DOCK1: variants seen among roughly 807,000 people sequenced by gnomAD.
The protein encoded by DOCK1 is dedicator of cytokinesis protein 1.
DOCK1 carries 138 observed loss-of-function variants against 262.7 expected under a neutral mutation model. The ratio of observed to expected loss-of-function variants is 0.53; its 90% CI spans 0.46 to 0.61. DOCK1 has a LOEUF of 0.61. DOCK1 is among the 20% of genes least tolerant of loss of function. The pLI is 0.00. For synonymous variants in DOCK1, 866 were observed against 867.4 expected, an observed-to-expected ratio of 1.00 and a Z score of 0.03; for missense variants, 1,908 against 2,370.7, an observed-to-expected ratio of 0.80 and a Z score of 4.05.
intron 2 of DOCK1, among the ~76,000 whole-genome samples, chr10:126,973,451 C>T (rs556467719): frequency 4.8e-4 from 73 of 152,176 alleles, no homozygotes; most frequent in Non-Finnish European, 8.5e-4. Flanking sequence ...CCTTGTAATA[C>T]GTGTAACTTC....
intron 23 of DOCK1, among the ~76,000 whole-genome samples, chr10:127,068,800 T>C (rs910975680): frequency 1.3e-5 from 2 of 151,632 alleles, no homozygotes; most frequent in African/African-American, 4.8e-5. Flanking sequence ...CTCATGTGTA[T>C]ACACACACAC....
intron 29 of DOCK1, among the ~76,000 whole-genome samples, chr10:127,294,055 G>A (rs188825805): frequency 4.6e-5 from 7 of 152,098 alleles, no homozygotes; most frequent in Admixed American, 1.3e-4. Flanking sequence ...GTGTGTGCTC[G>A]CCCACGTTAC....
intron 40 of DOCK1, among the ~76,000 whole-genome samples, chr10:127,405,544 C>T (rs770671456): frequency 1.3e-5 from 2 of 151,754 alleles, no homozygotes; most frequent in South Asian, 4.2e-4. Flanking sequence ...TGAGCACAGC[C>T]GTCTGGGGCA....
intron 33 of DOCK1, among the ~76,000 whole-genome samples, chr10:127,372,287 G>A (rs1288556108): frequency 6.6e-6 from 1 of 152,150 alleles, no homozygotes; most frequent in Non-Finnish European, 1.5e-5. Context: ...ACCGTTCCTT[G>A]CTAATTGCTT....
intron 21 of DOCK1, among the ~76,000 whole-genome samples, chr10:127,047,390 T>TAC (rs1191939314): frequency 3.3e-5 from 5 of 152,234 alleles, no homozygotes; most frequent in African/African-American, 1.2e-4. Context: ...TATATAATGC[T>TAC]ACATATTGGA....
chr10:127,003,269 T>C (rs1419968406), intron 10 of DOCK1, among the ~76,000 whole-genome samples: 1 of 151,344 alleles, frequency 6.6e-6, no homozygotes, highest in East Asian at 1.9e-4. Context: ...TTTGAACCTG[T>C]ATGAACCTGC....
intron 1 of DOCK1, among the ~76,000 whole-genome samples, chr10:126,954,551 T>A (rs1259419092): frequency 6.6e-6 from 1 of 152,246 alleles, no homozygotes; most frequent in Non-Finnish European, 1.5e-5. Context: ...TTCTTCTTCC[T>A]GAAGACAGAC....
chr10:127,158,465 A>C (rs1564851387), intron 27 of DOCK1, among the ~76,000 whole-genome samples: 1 of 152,312 alleles, frequency 6.6e-6, no homozygotes, highest in East Asian at 1.9e-4. Context: ...ACCTTTGTAA[A>C]GCACTCTTCC....
At chr10:127,035,952 T>C (rs2043568106) in intron 18 of DOCK1, among the ~76,000 whole-genome samples, 2 of 151,836 alleles carry the variant, frequency 1.3e-5, no homozygotes, top group Admixed American at 1.3e-4. Flanking sequence ...CATTGAGCTG[T>C]GGTTGTGCTC....
intron 11 of DOCK1, among the ~76,000 whole-genome samples, chr10:127,009,193 C>T (rs946794719): frequency 1.3e-5 from 2 of 152,072 alleles, no homozygotes; most frequent in Non-Finnish European, 2.9e-5. Context: ...AAAAAACAAA[C>T]AATTATGATG....
chr10:127,189,734 A>C (rs1422357675), intron 27 of DOCK1, among the ~76,000 whole-genome samples: 1 of 152,246 alleles, frequency 6.6e-6, no homozygotes, highest in Non-Finnish European at 1.5e-5. Context: ...AAGTTCACAC[A>C]GTACGTTTGC....
intron 27 of DOCK1, among the ~76,000 whole-genome samples, chr10:127,239,477 C>G (rs1294168931): frequency 6.6e-6 from 1 of 152,098 alleles, no homozygotes; most frequent in Non-Finnish European, 1.5e-5. Flanking sequence ...CTTAATACAT[C>G]ATCCAACCAA....
In DOCK1 at chr10:127,446,236, C is replaced by T. The variant is rs12416104; in HGVS notation, c.5414-1158C>T. ...CTGCACTCCAGCCTGGGCGACACAGCGAGACTCCATCCCAAACAAAAAGAA... is the reference window on the plus strand; with the variant it reads ...CTGCACTCCAGCCTGGGCGACACAGTGAGACTCCATCCCAAACAAAAAGAA... On this transcript the variant is annotated intron_variant, in intron 50 of 51. Transcript: ENST00000623213. This position sits in a 1 kb window ranked among gnomAD's most constrained non-coding sequence, Gnocchi z 4.4. 0.36 allele frequency among the ~76,000 whole-genome samples: 54,639 copies of T among 150,020 alleles called. 10,146 individuals are homozygous for T. The highest frequency in any genetic ancestry group is 0.42 in the South Asian group (1,923 of 4,630).
intron 40 of DOCK1, among the ~76,000 whole-genome samples, chr10:127,408,227 G>A (rs553400908): frequency 5.9e-5 from 9 of 152,240 alleles, no homozygotes; most frequent in South Asian, 2.1e-4. Context: ...TAGCCTAGCC[G>A]TCTATAACAA....
chr10:127,215,898 C>T (rs901829743), intron 27 of DOCK1, among the ~76,000 whole-genome samples: 1 of 152,042 alleles, frequency 6.6e-6, no homozygotes, highest in Non-Finnish European at 1.5e-5. Flanking sequence ...AAGATTTCCC[C>T]TTTATTACTA....
intron 29 of DOCK1, among the ~76,000 whole-genome samples, chr10:127,300,567 A>G (rs1364093884): frequency 1.3e-5 from 2 of 152,226 alleles, no homozygotes; most frequent in East Asian, 3.9e-4. Context: ...CCTCCCTTTT[A>G]TAGCACAAAT....
Position 126,918,336 on chromosome 10 carries a change from A to ATGCCGC in DOCK1, c.46+12784_46+12789dup, listed in dbSNP as rs1014488608. ...GGGCTCTGCTGATGCCTGGGCTTGC[A>ATGCCGC]TGCCGCTGCCGCTGCCTACTGGTGC... On this transcript the variant is annotated intron_variant, in intron 1 of 51. Transcript: ENST00000623213. 4.6e-5 allele frequency among the ~76,000 whole-genome samples: 7 copies of ATGCCGC among 152,248 alleles called. No homozygotes were observed. The East Asian group carries it at 7.7e-4, about 17-fold the overall frequency.
At chr10:127,129,302 T>C (rs2050162333) in intron 27 of DOCK1, among the ~76,000 whole-genome samples, 1 of 152,218 alleles carries the variant, frequency 6.6e-6, no homozygotes, top group Admixed American at 6.5e-5. Flanking sequence ...ACTCACATTT[T>C]CCTTTTTAAA....
At chr10:127,254,458 G>A (rs908058625) in intron 28 of DOCK1, among the ~76,000 whole-genome samples, 1 of 152,154 alleles carries the variant, frequency 6.6e-6, no homozygotes, top group African/African-American at 2.4e-5. Flanking sequence ...GCTGTCGAAA[G>A]CTTCCTGCTG....
Sources: gnomAD v4.1 joint callset for allele counts (sites outside exome capture counted in the v4.1 genomes callset) on GRCh38, gnomAD v4.1.1 for gene constraint, Gnocchi (gnomAD v3.1) non-coding constraint, MANE v1.5 for transcripts, NCBI Gene and HGNC (gene_info 2026-07-23, HGNC 2026-07-21) for gene names.